ZNF484: variants seen among roughly 807,000 people sequenced by gnomAD.
ZNF484 encodes zinc finger protein 484, also known as KRAB box containing C2H2 type zinc finger bA526D8.4.
Under a neutral mutation model 12.9 loss-of-function variants are expected in ZNF484, and 11 were observed. That is an observed-to-expected ratio of 0.85 (90% CI 0.54 to 1.41). The LOEUF (loss-of-function observed/expected upper bound fraction) is 1.41. Ranked by LOEUF, ZNF484 falls within the 40% of genes most tolerant of loss-of-function variation. The pLI is 0.00. For synonymous variants in ZNF484, 289 were observed against 334.1 expected, an observed-to-expected ratio of 0.86 and a Z score of 1.47; for missense variants, 807 against 1,007.7, an observed-to-expected ratio of 0.80 and a Z score of 2.70.
intron 1 of ZNF484, among the ~76,000 whole-genome samples, chr9:92,877,303 T>C (rs995154732): frequency 1.3e-5 from 2 of 151,942 alleles, no homozygotes; most frequent in Non-Finnish European, 2.9e-5. Context: ...GAGTATTTTA[T>C]TGGACATTTC....
chr9:92,850,080 C>T (rs546017895), intron 4 of ZNF484, among the ~76,000 whole-genome samples: 1 of 152,276 alleles, frequency 6.6e-6, no homozygotes, highest in African/African-American at 2.4e-5. Context: ...GGATTACAGG[C>T]GTAAGCCAGC....
chr9:92,858,604 A>G (rs539909972), intron 2 of ZNF484, among the ~76,000 whole-genome samples: 17 of 152,230 alleles, frequency 1.1e-4, no homozygotes, highest in Non-Finnish European at 2.1e-4. Flanking sequence ...AATTTAAAAT[A>G]ATGGAAATAA....
At chr9:92,874,895 G>T in intron 2 of ZNF484, 120 bp downstream of exon 2, 2 of 962,262 alleles carry the variant, frequency 2.1e-6, no homozygotes, top group South Asian at 1.7e-5. Flanking sequence ...CATTTTATCT[G>T]ATCTTAGTTT....
intron 2 of ZNF484, chr9:92,862,198 C>T: frequency 1.1e-6 from 1 of 919,876 alleles, no homozygotes; most frequent in Non-Finnish European, 1.3e-6. Context: ...AATTAACTGC[C>T]ATACATTTAT....
At chr9:92,868,358 C>T (rs894188592) in intron 2 of ZNF484, among the ~76,000 whole-genome samples, 1 of 152,164 alleles carries the variant, frequency 6.6e-6, no homozygotes, top group African/African-American at 2.4e-5. Flanking sequence ...TAATCTAGAG[C>T]CAACGGCCTG....
intron 2 of ZNF484, among the ~76,000 whole-genome samples, chr9:92,856,884 G>C (rs1856497670): frequency 6.6e-6 from 1 of 152,182 alleles, no homozygotes; most frequent in African/African-American, 2.4e-5. Flanking sequence ...ACCACGCCCA[G>C]CTAATTTTTA....
intron 2 of ZNF484, among the ~76,000 whole-genome samples, chr9:92,859,203 G>A (rs79178740): frequency 0.034 from 5,108 of 152,270 alleles, 223 homozygotes; most frequent in East Asian, 0.22. Context: ...ATTACATTAA[G>A]TGTAAATGCA....
In ZNF484 at chr9:92,874,460, C is replaced by T. The variant is rs191085132; in HGVS notation, c.15+555G>A. On this transcript the variant is annotated intron_variant, in intron 2 of 4. Transcript: ENST00000375495. ...CTGGGTAGCTGGGATTACAGGCGCC[C>T]GCCACCACACCTGGCTAATTTTTGT... Among the ~76,000 whole-genome samples, 218 of 152,058 alleles carry T rather than the reference C, an allele frequency of 1.4e-3. 1 individual carries two copies. Among genetic ancestry groups the T allele is most frequent in the Non-Finnish European group, 2.4e-3 (160 of 67,956 alleles).
intron 2 of ZNF484, among the ~76,000 whole-genome samples, chr9:92,857,201 G>A (rs557321515): frequency 1.3e-5 from 2 of 152,320 alleles, no homozygotes; most frequent in South Asian, 4.1e-4. Flanking sequence ...CTGGAAAGCT[G>A]CTGAGGTAGC....
At chr9:92,851,771 A>G (rs1189624635) in intron 4 of ZNF484, among the ~76,000 whole-genome samples, 4 of 152,218 alleles carry the variant, frequency 2.6e-5, no homozygotes, top group African/African-American at 9.6e-5. Flanking sequence ...TTTTGTTTCT[A>G]TCAAAAATTC....
At chr9:92,870,280 A>G (rs891819214) in intron 2 of ZNF484, among the ~76,000 whole-genome samples, 2 of 152,248 alleles carry the variant, frequency 1.3e-5, no homozygotes, top group African/African-American at 4.8e-5. Context: ...CAACAAGTGC[A>G]TACAAAAAGG....
chr9:92,847,172 GC>G lies in ZNF484; in HGVS notation c.1614del (p.Leu539SerfsTer29), dbSNP rs754748270. 4 of 1,613,968 alleles carry G rather than the reference GC, an allele frequency of 2.5e-6. No homozygotes were observed. The highest frequency in any genetic ancestry group is 3.4e-6 in the Non-Finnish European group (4 of 1,179,986). On this transcript the variant is annotated frameshift_variant, in exon 5 of 5. Transcript: ENST00000375495. LOFTEE classifies it low-confidence loss of function (END_TRUNC). ...DCGKSFTWKS[R>X]LRIHQKCHTG... is the part of the protein sequence containing the mutation. ...GTATGACACTTCTGATGTATCCTGA[GC>G]CGAGACTTCCAGGTGAATGATTTTC...
chr9:92,876,115 A>G (rs1366674124), intron 1 of ZNF484, among the ~76,000 whole-genome samples: 2 of 152,308 alleles, frequency 1.3e-5, no homozygotes, highest in Admixed American at 6.5e-5. Flanking sequence ...TTGTTTAGCA[A>G]TAATTCTTGC....
At chr9:92,866,461 G>C (rs1358267547) in intron 2 of ZNF484, among the ~76,000 whole-genome samples, 2 of 152,198 alleles carry the variant, frequency 1.3e-5, no homozygotes, top group Non-Finnish European at 2.9e-5. Flanking sequence ...ATGCCAGTCA[G>C]AATGGCTATT....
chr9:92,874,310 CTTTT>C (rs34348573), intron 2 of ZNF484, among the ~76,000 whole-genome samples: 65 of 137,566 alleles, frequency 4.7e-4, no homozygotes, highest in South Asian at 6.8e-4. Context: ...TTCTTTCTTT[CTTTT>C]TTTTTTTTTT....
intron 2 of ZNF484, among the ~76,000 whole-genome samples, chr9:92,865,223 T>G (rs938246111): frequency 2.0e-5 from 3 of 152,154 alleles, no homozygotes; most frequent in African/African-American, 7.2e-5. Context: ...GAGGATTGCT[T>G]GAGTCCACGA....
chr9:92,858,155 G>A (rs1189411068), intron 2 of ZNF484, among the ~76,000 whole-genome samples: 1 of 152,122 alleles, frequency 6.6e-6, no homozygotes, highest in Non-Finnish European at 1.5e-5. Context: ...ACAGAGAATT[G>A]GAGTTAGATG....
intron 1 of ZNF484, 195 bp downstream of exon 1, chr9:92,877,695 C>T (rs1857916745): frequency 7.7e-7 from 1 of 1,302,216 alleles, no homozygotes; most frequent in Admixed American, 2.0e-5. Flanking sequence ...CCCAGTCCGT[C>T]CTCACTCCGC....
intron 2 of ZNF484, among the ~76,000 whole-genome samples, chr9:92,874,687 C>T (rs7873021): frequency 0.42 from 63,077 of 151,958 alleles, 14,050 homozygotes; most frequent in African/African-American, 0.57. Context: ...TCAAAAAATT[C>T]CTCAAACATC....
Sources: allele counts gnomAD v4.1 joint callset (sites outside exome capture counted in the v4.1 genomes callset), GRCh38; gene constraint gnomAD v4.1.1; transcripts MANE v1.5; gene names NCBI Gene and HGNC (gene_info 2026-07-23, HGNC 2026-07-21).